Variants in CEP44 observed in about 807,000 individuals in gnomAD.
CEP44 encodes centrosomal protein 44.
In CEP44, 45 loss-of-function variants were observed where a neutral mutation model predicts 46.7. The ratio of observed to expected loss-of-function variants is 0.96; its 90% CI spans 0.76 to 1.24. The LOEUF (loss-of-function observed/expected upper bound fraction) is 1.24. Ranked by LOEUF, CEP44 falls within the 50% of genes most tolerant of loss-of-function variation. The pLI is 0.00. For synonymous variants in CEP44, 142 were observed against 146.0 expected (o/e 0.97, Z 0.20); for missense variants, 475 against 459.7 (o/e 1.03, Z -0.30).
chr4:174,308,657 GAAGT>G (rs1365135178), intron 6 of CEP44, 28 bp from the exon 7 acceptor site: 1 of 1,562,514 alleles, frequency 6.4e-7, no homozygotes, highest in African/African-American at 1.4e-5. Flanking sequence ...GGAAAACATT[GAAGT>G]GTTTCTTACA....
rs1400133753 is a variant in CEP44, at chr4:174,331,804, T to G, written c.*209T>G. On this transcript the variant is annotated 3_prime_UTR_variant, in exon 9 of 9. Transcript: ENST00000426172. The surrounding 1 kb of genome is among the most constrained non-coding windows in gnomAD (Gnocchi z 4.5). Reference sequence around the variant, plus strand: ...TGTCTAATTTCTATTTTCCAGAAATTTCTCAAAATGTCTGCTGATAGCCCC... The same window carrying G: ...TGTCTAATTTCTATTTTCCAGAAATGTCTCAAAATGTCTGCTGATAGCCCC... 13 of 559,752 alleles carry G rather than the reference T, an allele frequency of 2.3e-5. No individual in the cohort carries two copies. Among genetic ancestry groups the G allele is most frequent in the Non-Finnish European group, 3.6e-5 (13 of 357,150 alleles). 34.7% of individuals were successfully genotyped at this position (559,752 alleles called of 1,614,324 possible).
intron 1 of CEP44, among the ~76,000 whole-genome samples, chr4:174,294,345 A>G (rs1738594757): frequency 1.3e-5 from 2 of 151,978 alleles, no homozygotes; most frequent in African/African-American, 4.8e-5. Context: ...TGTTTCAGAG[A>G]GCACAGGGTT....
chr4:174,300,569 G>A (rs1255594879), intron 3 of CEP44, among the ~76,000 whole-genome samples: 3 of 151,922 alleles, frequency 2.0e-5, no homozygotes, highest in Non-Finnish European at 2.9e-5. Context: ...TTACCCAAAA[G>A]CATCATTAAG....
rs1390912139 is a variant in CEP44, at chr4:174,317,583, G to A, written c.*200G>A. 9.9e-5 allele frequency: 111 copies of A among 1,116,784 alleles called. No individual in the cohort carries two copies. The highest frequency in any genetic ancestry group is 2.4e-4 in the Admixed American group (5 of 20,448). 69.2% of individuals were successfully genotyped at this position (1,116,784 alleles called of 1,614,324 possible). On this transcript the variant is annotated 3_prime_UTR_variant, in exon 12 of 12. Coordinates refer to ENST00000503780, the MANE Select transcript of CEP44 (RefSeq NM_001040157.3). The stretch of plus-strand genomic sequence containing the variant: ...CAATGATTATACTGCTTTACCTTGT[G>A]TCACTTTTTTTTTTTTTAGGAAAAA...
exon 9 of CEP44, chr4:174,332,568 A>G (rs1178592065): frequency 1.3e-5 from 2 of 152,196 alleles, no homozygotes; most frequent in African/African-American, 4.8e-5. Context: ...AATTTGTATG[A>G]ACATATTTAA....
chr4:174,298,206 C>G (rs1335225708), intron 2 of CEP44, 144 bp downstream of exon 2: 1 of 116,470 alleles, frequency 8.6e-6, no homozygotes, highest in African/African-American at 3.3e-5. Flanking sequence ...GACGGAGTCT[C>G]GCTCTGTCGC....
In CEP44 at chr4:174,331,251, A is replaced by G. The variant is rs1456933534; in HGVS notation, c.1087-231A>G. On this transcript the variant is annotated intron_variant, in intron 8 of 8. Transcript: ENST00000426172. The surrounding 1 kb of genome is among the most constrained non-coding windows in gnomAD (Gnocchi z 4.5). ...TCCTCACCAATGAGAAAAAAAAAAA[A>G]ACTCTGAACATTTAGCTGTTTATTC... Among the ~76,000 whole-genome samples the G allele has an allele frequency of 6.6e-6, 1 of 152,142 alleles. No individual in the cohort carries two copies. The highest frequency in any genetic ancestry group is 2.4e-5 in the African/African-American group (1 of 41,446).
At chr4:174,298,152 T>A (rs926223111) in intron 2 of CEP44, 90 bp downstream of exon 2, 25 of 151,152 alleles carry the variant, frequency 1.7e-4, no homozygotes, top group African/African-American at 6.1e-4. Context: ...GTTCTTTTTG[T>A]CCTGGTGGGT....
Position 174,319,640 on chromosome 4 carries a change from A to G in CEP44, c.*2257A>G, listed in dbSNP as rs1742116132. 1 of 670,952 alleles carries G rather than the reference A, an allele frequency of 1.5e-6. No individual in the cohort carries two copies. The highest frequency in any genetic ancestry group is 1.8e-6 in the Non-Finnish European group (1 of 542,606). The allele number at this position is 670,952 out of a possible 1,614,324, so 41.6% of individuals were successfully genotyped here. On this transcript the variant is annotated 3_prime_UTR_variant, in exon 12 of 12. Coordinates refer to ENST00000503780, the MANE Select transcript of CEP44 (RefSeq NM_001040157.3). ...ATATAAGTAAGTATATATTGAAAAT[A>G]TAAAATATTTCATATATGTTATCAG...
chr4:174,321,049 C>A (rs370593054), downstream of CEP44, among the ~76,000 whole-genome samples: 5 of 152,166 alleles, frequency 3.3e-5, no homozygotes, highest in South Asian at 6.2e-4. Flanking sequence ...AGATACTACA[C>A]TAGTGTTTAA....
rs1579130376 is a variant in CEP44 at position 174,309,955 on chromosome 4, G to A, written c.784G>A (p.Glu262Lys). 1.2e-6 allele frequency: 2 copies of A among 1,612,636 alleles called. No homozygotes were observed. Among genetic ancestry groups the A allele is most frequent in the Non-Finnish European group, 1.7e-6 (2 of 1,179,172 alleles). Residue 262 changes from glutamate (E) to lysine (K), a missense_variant, in exon 8 of 12, where the codon GAA becomes AAA. By Grantham distance (56) the Glu-to-Lys change is moderately conservative. Coordinates refer to ENST00000503780, the MANE Select transcript of CEP44 (RefSeq NM_001040157.3). The surrounding 1 kb of genome is among the most constrained non-coding windows in gnomAD (Gnocchi z 5.3). ...TSIEKRLDCL[E>K]QKMKGKVMVD... ...GATAGAGAAAAGGTTAGACTGTTTG[G>A]AACAAAAAATGAAAGGAAAAGTGAT...
In CEP44 at chr4:174,298,062, G is replaced by A. The variant is rs187923320; in HGVS notation, c.-51G>A. ...GGATTGGCTGGTCTGTGCTCTGCTA[G>A]GTTGGTTATCCCTTATTCATTTGCT... On this transcript the variant is annotated splice_region_variant and 5_prime_UTR_variant, in exon 2 of 12. Coordinates refer to ENST00000503780, the MANE Select transcript of CEP44 (RefSeq NM_001040157.3). The A allele has an allele frequency of 2.0e-5, 3 of 152,014 alleles. No homozygotes were observed. The highest frequency in any genetic ancestry group is 1.9e-4 in the East Asian group (1 of 5,168). 9.4% of individuals were successfully genotyped at this position (152,014 alleles called of 1,614,324 possible).
Position 174,317,977 on chromosome 4 carries a change from T to A in CEP44, c.*594T>A. On this transcript the variant is annotated 3_prime_UTR_variant, in exon 12 of 12. Transcript: ENST00000503780. ...TGTACTGGGAAACAGGCTGGAGGAC[T>A]ATGGTCCTCAAGTTTAGACCAAGAG... is the stretch of plus-strand genomic sequence containing the variant. 2.0e-6 allele frequency: 2 copies of A among 984,188 alleles called. No homozygotes were observed. The highest frequency in any genetic ancestry group is 2.4e-6 in the Non-Finnish European group (2 of 828,790). 61.0% of individuals were successfully genotyped at this position (984,188 alleles called of 1,614,324 possible).
At chr4:174,313,381 GAAAA>G (rs536148825) in intron 9 of CEP44, among the ~76,000 whole-genome samples, 1 of 131,292 alleles carries the variant, frequency 7.6e-6, no homozygotes, top group African/African-American at 2.7e-5. Flanking sequence ...TCCCTCAGAG[GAAAA>G]AAAAAAAAAA....
At chr4:174,308,303 A>G (rs1034928248) in intron 6 of CEP44, among the ~76,000 whole-genome samples, 3 of 152,204 alleles carry the variant, frequency 2.0e-5, no homozygotes, top group Admixed American at 2.0e-4. Context: ...GCCGTAAAAA[A>G]TAATGGGATC....
intron 4 of CEP44, 28 bp downstream of exon 4, chr4:174,302,214 ATTAG>A (rs775613469): frequency 2.9e-5 from 42 of 1,446,976 alleles, no homozygotes; most frequent in East Asian, 9.3e-5. Flanking sequence ...AACAATAACT[ATTAG>A]TTATTGAATG....
In CEP44 at chr4:174,319,658, G is replaced by C. The variant is rs1742118623; in HGVS notation, c.*2275G>C. The C allele has an allele frequency of 1.5e-6, 1 of 684,222 alleles. No individual in the cohort carries two copies. Among genetic ancestry groups the C allele is most frequent in the Non-Finnish European group, 1.8e-6 (1 of 554,926 alleles). The allele number at this position is 684,222 out of a possible 1,614,324, so 42.4% of individuals were successfully genotyped here. On this transcript the variant is annotated 3_prime_UTR_variant, in exon 12 of 12. Coordinates refer to ENST00000503780, the MANE Select transcript of CEP44 (RefSeq NM_001040157.3). ...TGAAAATATAAAATATTTCATATAT[G>C]TTATCAGGTGGAAATTTAGAATCCA...
In CEP44 at chr4:174,294,644, C is replaced by A. The variant is rs1472635571; in HGVS notation, c.-147-3322C>A. Among the ~76,000 whole-genome samples, 5 of 151,870 alleles carry A rather than the reference C, an allele frequency of 3.3e-5. No homozygotes were observed. The East Asian group carries it at 9.8e-4, about 30-fold the overall frequency. On this transcript the variant is annotated intron_variant, in intron 1 of 11. Coordinates refer to ENST00000503780, the MANE Select transcript of CEP44 (RefSeq NM_001040157.3). ...GCCGGGCAGAGGCGCCCCTCACCTC[C>A]CAGACGGGGCGGCTGGCCGGGCGGG...
In CEP44 at chr4:174,312,130, C is replaced by T. The variant is rs1242514762; in HGVS notation, c.961+1272C>T. Among the ~76,000 whole-genome samples, 2 of 151,868 alleles carry T rather than the reference C, an allele frequency of 1.3e-5. No individual in the cohort carries two copies. The highest frequency in any genetic ancestry group is 3.9e-4 in the East Asian group (2 of 5,182). On this transcript the variant is annotated intron_variant, in intron 9 of 11. Coordinates refer to ENST00000503780, the MANE Select transcript of CEP44 (RefSeq NM_001040157.3). The surrounding 1 kb of genome is among the most constrained non-coding windows in gnomAD (Gnocchi z 4.5). ...ATAGTAGAGTTTAAATATTTATTCA[C>T]TGAAAGAATATTGAATGCTTGTGAT... is the stretch of plus-strand genomic sequence containing the variant.
Sources: gnomAD v4.1 joint callset for allele counts (sites outside exome capture counted in the v4.1 genomes callset) on GRCh38, gnomAD v4.1.1 for gene constraint, Gnocchi (gnomAD v3.1) non-coding constraint, MANE v1.5 for transcripts, NCBI Gene and HGNC (gene_info 2026-07-23, HGNC 2026-07-21) for gene names.